ACAD9: variants seen among roughly 807,000 people sequenced by gnomAD.
The protein encoded by ACAD9 is complex I assembly factor ACAD9, mitochondrial.
In ACAD9, 53 loss-of-function variants were observed where a neutral mutation model predicts 70.2. The observed-to-expected ratio is 0.75, with a 90% confidence interval of 0.61 to 0.95. The LOEUF (loss-of-function observed/expected upper bound fraction) is 0.95. Among genes scored for constraint, ACAD9 ranks in the 40% least tolerant of loss-of-function variants. ACAD9 has a pLI of 0.00. For missense variants in ACAD9, 777 were observed against 802.8 expected (o/e 0.97, Z 0.39); for synonymous variants, 313 against 312.1 (o/e 1.00, Z -0.03).
chr3:128,909,077 G>C lies in ACAD9; in HGVS notation c.1463G>C (p.Gly488Ala). 1 of 1,614,060 alleles carries C rather than the reference G, an allele frequency of 6.2e-7. No homozygotes were observed. Among genetic ancestry groups the C allele is most frequent in the Non-Finnish European group, 8.5e-7 (1 of 1,180,008 alleles). Residue 488 changes from glycine to alanine, a missense_variant, in exon 14 of 18, where the codon GGA (glycine) becomes GCA (alanine). Transcript: ENST00000308982. ...GACCTGGGGCTGACAGGCAACCATGGAGTTGTGCACCCCAGTCTTGCGGTG... is the reference window on the plus strand; with the variant it reads ...GACCTGGGGCTGACAGGCAACCATGCAGTTGTGCACCCCAGTCTTGCGGTG... Reference protein sequence around the residue: ...TVDLGLTGNHGVVHPSLADSA... With the variant: ...TVDLGLTGNHAVVHPSLADSA...
chr3:128,904,237 A>C, intron 10 of ACAD9, 105 bp downstream of exon 10: 1 of 1,577,628 alleles, frequency 6.3e-7, no homozygotes, highest in Non-Finnish European at 8.7e-7. Flanking sequence ...TTTGGGAAGA[A>C]GACTAGTTAA....
intron 17 of ACAD9, among the ~76,000 whole-genome samples, chr3:128,911,661 C>T (rs1936337886): frequency 6.6e-6 from 1 of 151,710 alleles, no homozygotes; most frequent in African/African-American, 2.4e-5. Context: ...AAGCTGGTCT[C>T]CAACCCCTGA....
intron 2 of ACAD9, among the ~76,000 whole-genome samples, chr3:128,891,832 T>C (rs2107647457): frequency 6.6e-6 from 1 of 152,370 alleles, no homozygotes; most frequent in East Asian, 1.9e-4. Flanking sequence ...AAATTGATTA[T>C]CACATTTATT....
At chr3:128,889,581 A>G (rs1935358235) in intron 2 of ACAD9, among the ~76,000 whole-genome samples, 3 of 152,114 alleles carry the variant, frequency 2.0e-5, no homozygotes, top group Admixed American at 6.5e-5. Context: ...TTCTCTCACT[A>G]TAGATTAGTT....
In ACAD9 at chr3:128,910,141, G is replaced by C; in HGVS notation, c.1684G>C (p.Asp562His). The C allele has an allele frequency of 1.2e-6, 2 of 1,614,014 alleles. No individual in the cohort carries two copies. Among genetic ancestry groups the C allele is most frequent in the Non-Finnish European group, 1.7e-6 (2 of 1,180,036 alleles). ...RSIRIGLRNHDHEVLLANTFC... is the reference protein window; with the variant it reads ...RSIRIGLRNHHHEVLLANTFC... ...CATCCGCATTGGGCTCCGCAACCACGACCACGAGGTGAGCCCAGCCCAGCC... is the reference window on the plus strand; with the variant it reads ...CATCCGCATTGGGCTCCGCAACCACCACCACGAGGTGAGCCCAGCCCAGCC... The change falls in exon 16 of 18, where the codon GAC becomes CAC. Residue 562 changes from aspartate (D) to histidine (H), a missense_variant. Physicochemically the swap from Asp to His is moderately conservative, Grantham distance 81. Coordinates refer to ENST00000308982, the MANE Select transcript of ACAD9 (RefSeq NM_014049.5).
At chr3:128,893,970 C>T (rs1416303422) in intron 3 of ACAD9, among the ~76,000 whole-genome samples, 1 of 152,164 alleles carries the variant, frequency 6.6e-6, no homozygotes, top group African/African-American at 2.4e-5. Context: ...CTTTGAGCAT[C>T]CTAGTGATGT....
chr3:128,880,356 C>G (rs1327186700), intron 1 of ACAD9, among the ~76,000 whole-genome samples: 1 of 152,174 alleles, frequency 6.6e-6, no homozygotes, highest in Non-Finnish European at 1.5e-5. Context: ...ATAAAACACT[C>G]ATTGTCTTCT....
chr3:128,909,277 G>T, intron 14 of ACAD9, 67 bp from the exon 15 acceptor site: 3 of 1,599,822 alleles, frequency 1.9e-6, no homozygotes, highest in Non-Finnish European at 8.6e-7. Flanking sequence ...CCTGGTACCC[G>T]GGCTGTGAGA....
At chr3:128,896,994 A>C (rs574732312) in intron 5 of ACAD9, among the ~76,000 whole-genome samples, 3 of 152,144 alleles carry the variant, frequency 2.0e-5, no homozygotes, top group African/African-American at 2.4e-5. Context: ...TTCACTTTGC[A>C]TGAGAACCTG....
At chr3:128,900,524 C>CT (rs1168732085) in intron 7 of ACAD9, among the ~76,000 whole-genome samples, 9,943 of 140,396 alleles carry the variant, frequency 0.071, 334 homozygotes, top group South Asian at 0.12. Context: ...CGCACCCGGC[C>CT]TTTTTTTTTT....
rs1387322412 is a variant in ACAD9 at position 128,904,366 on chromosome 3, G to GT, written c.1030-14dup. 13 of 1,614,082 alleles carry GT rather than the reference G, an allele frequency of 8.1e-6. No individual in the cohort carries two copies. The highest frequency in any genetic ancestry group is 1.7e-5 in the Admixed American group (1 of 60,006). ...TCAGCACATGCAAATTGTTTCTTGTGTTTTTTCTGAACACTCCAGGAGAAA... is the reference window on the plus strand; with the variant it reads ...TCAGCACATGCAAATTGTTTCTTGTGTTTTTTTCTGAACACTCCAGGAGAAA... On this transcript the variant is annotated intron_variant, in intron 10 of 17. Transcript: ENST00000308982.
chr3:128,895,402 G>C lies in ACAD9; in HGVS notation c.439G>C (p.Ala147Pro). 6.2e-7 allele frequency: 1 copy of C among 1,609,316 alleles called. No homozygotes were observed. Among genetic ancestry groups the C allele is most frequent in the Non-Finnish European group, 8.5e-7 (1 of 1,177,794 alleles). The change falls in exon 4 of 18, where the codon GCT (alanine) becomes CCT (proline). Residue 147 changes from alanine (A) to proline (P), a missense_variant. Ala to Pro is a conservative substitution (Grantham distance 27, BLOSUM62 -1). Coordinates refer to ENST00000308982, the MANE Select transcript of ACAD9 (RefSeq NM_014049.5). ...SITVTLAAHQAIGLKGIILAG... is the reference protein window; with the variant it reads ...SITVTLAAHQPIGLKGIILAG... ...CACTGTGACCCTGGCAGCGCACCAG[G>C]CTATTGGCCTCAAGGTCAGGTATCT...
intron 3 of ACAD9, 48 bp from the exon 4 acceptor site, chr3:128,895,262 G>A (rs1342024850): frequency 3.5e-6 from 5 of 1,449,180 alleles, no homozygotes; most frequent in African/African-American, 2.8e-5. Context: ...GCCTTAATGG[G>A]AGGAATCTAG....
chr3:128,904,531 G>A, intron 11 of ACAD9, 26 bp downstream of exon 11: 2 of 1,610,324 alleles, frequency 1.2e-6, no homozygotes, highest in South Asian at 1.1e-5. Context: ...CCAGAGAGCT[G>A]GCGCTGGAGG....
intron 17 of ACAD9, among the ~76,000 whole-genome samples, chr3:128,911,388 A>AG (rs1936299514): frequency 6.6e-6 from 1 of 152,032 alleles, no homozygotes; most frequent in Non-Finnish European, 1.5e-5. Context: ...GAGCAAGTGC[A>AG]GAGCCCTTTG....
intron 15 of ACAD9, chr3:128,909,701 G>T: frequency 1.7e-6 from 1 of 600,420 alleles, no homozygotes; most frequent in Non-Finnish European, 2.9e-6. Context: ...TCCACCTGGG[G>T]CCTGAATCTA....
intron 1 of ACAD9, among the ~76,000 whole-genome samples, chr3:128,881,469 GCTC>G (rs1332622688): frequency 6.6e-5 from 10 of 152,180 alleles, no homozygotes; most frequent in Non-Finnish European, 7.3e-5. Context: ...TGAACTGTCT[GCTC>G]CTGGCAAAAC....
chr3:128,908,757 C>T (rs996828118), intron 13 of ACAD9: 5 of 660,092 alleles, frequency 7.6e-6, no homozygotes, highest in Admixed American at 2.6e-5. Context: ...GGCTGTGACT[C>T]CACCCCTCAT....
At chr3:128,880,948 T>C (rs1430732799) in intron 1 of ACAD9, among the ~76,000 whole-genome samples, 1 of 152,212 alleles carries the variant, frequency 6.6e-6, no homozygotes, top group Non-Finnish European at 1.5e-5. Flanking sequence ...TCATTTTATC[T>C]TCTAAGGAAA....
Sources: gnomAD v4.1 joint callset for allele counts (sites outside exome capture counted in the v4.1 genomes callset) on GRCh38, gnomAD v4.1.1 for gene constraint, MANE v1.5 for transcripts, NCBI Gene and HGNC (gene_info 2026-07-23, HGNC 2026-07-21) for gene names.